ADSS2: variants seen among roughly 807,000 people sequenced by gnomAD.
The protein encoded by ADSS2 is adenylosuccinate synthetase isozyme 2.
Under a neutral mutation model 60.0 loss-of-function variants are expected in ADSS2, and 30 were observed. The observed-to-expected ratio is 0.50, with a 90% CI of 0.37 to 0.68. The LOEUF (loss-of-function observed/expected upper bound fraction) is 0.68. Ranked by LOEUF, ADSS2 falls within the 30% of genes least tolerant of loss-of-function variation. The pLI, the probability that ADSS2 is intolerant of heterozygous loss-of-function variation, is 0.00. For synonymous variants in ADSS2, 187 were observed against 193.1 expected (o/e 0.97, Z 0.26); for missense variants, 373 against 554.8 (o/e 0.67, Z 3.29).
chr1:244,419,973 G>C (rs1359295073), intron 8 of ADSS2, among the ~76,000 whole-genome samples, 197 bp downstream of exon 8: 3 of 152,160 alleles, frequency 2.0e-5, no homozygotes, highest in Non-Finnish European at 2.9e-5. Flanking sequence ...TAATAAAATA[G>C]GGAACGTAAC....
rs532312490 is a variant in ADSS2 at position 244,432,660 on chromosome 1, CTTTTTTT to C, written c.356-72_356-66del. The C allele has an allele frequency of 2.4e-3, 924 of 386,974 alleles. 3 individuals carry two copies. Among genetic ancestry groups the C allele is most frequent in the African/African-American group, 0.02 (581 of 28,564 alleles). 24.0% of individuals were successfully genotyped at this position (386,974 alleles called of 1,614,324 possible). ...TATAGCAGTTTTAAAATCTTAATTT[CTTTTTTT>C]TTTTTTTTTTTTTTGAGACAGAGTC... On this transcript the variant is annotated intron_variant, in intron 3 of 12. Coordinates refer to ENST00000366535, the MANE Select transcript of ADSS2 (RefSeq NM_001126.5).
chr1:244,445,990 A>G (rs1665375820), intron 1 of ADSS2, among the ~76,000 whole-genome samples: 1 of 152,234 alleles, frequency 6.6e-6, no homozygotes, highest in Non-Finnish European at 1.5e-5. Flanking sequence ...GTAATCACAG[A>G]GCTCAAAATG....
chr1:244,416,085 T>G lies in ADSS2; in HGVS notation c.1071-7A>C. The G allele has an allele frequency of 6.2e-7, 1 of 1,606,454 alleles. No individual in the cohort carries two copies. Among genetic ancestry groups the G allele is most frequent in the Non-Finnish European group, 8.5e-7 (1 of 1,174,342 alleles). ...CAACTTGGTAAGTGCCAACCTAATT[T>G]TGGAAGAAAAGGCAATGTTAAAAGA... On this transcript the variant is annotated splice_polypyrimidine_tract_variant and splice_region_variant and intron_variant, in intron 10 of 12. Transcript: ENST00000366535.
At chr1:244,438,612 T>C (rs541377057) in intron 1 of ADSS2, among the ~76,000 whole-genome samples, 5 of 152,354 alleles carry the variant, frequency 3.3e-5, no homozygotes, top group Admixed American at 6.5e-5. Context: ...TAAACTTCTA[T>C]ACAATATTAA....
rs554587213 is a variant in ADSS2 at position 244,420,355 on chromosome 1, G to C, written c.664-59C>G. Reference sequence around the variant, plus strand: ...TACTAATAAACGTTTAACATAACCAGAACAAGAATAAATTACCTGACTTTA... The same window carrying C: ...TACTAATAAACGTTTAACATAACCACAACAAGAATAAATTACCTGACTTTA... On this transcript the variant is annotated intron_variant, in intron 7 of 12. Transcript: ENST00000366535. 4.0e-5 allele frequency: 57 copies of C among 1,436,304 alleles called. No homozygotes were observed. In the South Asian group the frequency reaches 7.3e-4, roughly 18 times the overall value. 89.0% of individuals were successfully genotyped at this position (1,436,304 alleles called of 1,614,324 possible). A position where few individuals can be genotyped will look rare whatever the true frequency, so the allele number is the denominator to read the frequency against.
In ADSS2 at chr1:244,451,507, G is replaced by C; in HGVS notation, c.183+128C>G. The C allele has an allele frequency of 3.8e-6, 4 of 1,043,194 alleles. No individual in the cohort carries two copies. The highest frequency in any genetic ancestry group is 5.4e-6 in the Non-Finnish European group (4 of 738,138). 64.6% of individuals were successfully genotyped at this position (1,043,194 alleles called of 1,614,324 possible). A position where few individuals can be genotyped will look rare whatever the true frequency, so the allele number is the denominator to read the frequency against. ...GTAGCCGCAGCTCAGGACAGGAGGAGAGAGCCTCAAGGTGACACCTCATTT... is the reference window on the plus strand; with the variant it reads ...GTAGCCGCAGCTCAGGACAGGAGGACAGAGCCTCAAGGTGACACCTCATTT... On this transcript the variant is annotated intron_variant, in intron 1 of 12. Transcript: ENST00000366535. The surrounding 1 kb of genome is among the most constrained non-coding windows in gnomAD (Gnocchi z 6.6).
At chr1:244,435,119 G>C (rs1665052549) in intron 3 of ADSS2, among the ~76,000 whole-genome samples, 1 of 121,670 alleles carries the variant, frequency 8.2e-6, no homozygotes, top group Non-Finnish European at 1.6e-5. Flanking sequence ...AGTGAGCCAA[G>C]ATCACGCCAC....
At chr1:244,450,767 GT>G (rs138887894) in intron 1 of ADSS2, among the ~76,000 whole-genome samples, 1,647 of 152,256 alleles carry the variant, frequency 0.011, 35 homozygotes, top group African/African-American at 0.037. Context: ...AGGAAGAAAG[GT>G]TACACTGAAA....
intron 3 of ADSS2, among the ~76,000 whole-genome samples, chr1:244,433,809 A>G (rs3124056): frequency 0.83 from 123,192 of 148,234 alleles, 51,484 homozygotes; most frequent in Middle Eastern, 0.9. Context: ...GCAGTGAGCC[A>G]AGATTGTGCC....
In ADSS2 at chr1:244,451,183, C is replaced by CCTGGG. The variant is rs966387751; in HGVS notation, c.183+447_183+451dup. On this transcript the variant is annotated intron_variant, in intron 1 of 12. Coordinates refer to ENST00000366535, the MANE Select transcript of ADSS2 (RefSeq NM_001126.5). The surrounding 1 kb of genome is among the most constrained non-coding windows in gnomAD (Gnocchi z 6.6). ...AAACAATCCACTCCCACTCCGCCGCCCTGGGCGGGGCGGGGGGGCGGTGAT... is the reference window on the plus strand; with the variant it reads ...AAACAATCCACTCCCACTCCGCCGCCCTGGGCTGGGCGGGGCGGGGGGGCGGTGAT... Among the ~76,000 whole-genome samples, 2 of 152,132 alleles carry CCTGGG rather than the reference C, an allele frequency of 1.3e-5. No homozygotes were observed. Among genetic ancestry groups the CCTGGG allele is most frequent in the African/African-American group, 4.8e-5 (2 of 41,436 alleles).
At chr1:244,430,781 C>T (rs1664922706) in intron 4 of ADSS2, among the ~76,000 whole-genome samples, 1 of 152,170 alleles carries the variant, frequency 6.6e-6, no homozygotes, top group African/African-American at 2.4e-5. Context: ...AAGTACTTCA[C>T]AAAAACATAT....
rs1553308065 is a variant in ADSS2 at position 244,435,194 on chromosome 1, A to AAAAAAAAAAAAAC, written c.355+1630_355+1631insGTTTTTTTTTTTT. ...AAAAAAAAAAAAAAAAAAAAAAAAA[A>AAAAAAAAAAAAAC]AAACAAACCTGAACATACTATAACA... On this transcript the variant is annotated intron_variant, in intron 3 of 12. Coordinates refer to ENST00000366535, the MANE Select transcript of ADSS2 (RefSeq NM_001126.5). Among the ~76,000 whole-genome samples, 55 of 127,900 alleles carry AAAAAAAAAAAAAC rather than the reference A, an allele frequency of 4.3e-4. 3 individuals are homozygous for AAAAAAAAAAAAAC. Among genetic ancestry groups the AAAAAAAAAAAAAC allele is most frequent in the African/African-American group, 1.6e-3 (49 of 31,132 alleles). The allele number at this position is 127,900 out of a possible 152,430, so 83.9% of individuals were successfully genotyped here.
chr1:244,434,639 T>C (rs1288778227), intron 3 of ADSS2, among the ~76,000 whole-genome samples: 1 of 152,020 alleles, frequency 6.6e-6, no homozygotes, highest in African/African-American at 2.4e-5. Flanking sequence ...TTAGGAGATA[T>C]AATAAAGAAA....
At chr1:244,429,039 T>C (rs1241213988) in intron 4 of ADSS2, among the ~76,000 whole-genome samples, 1 of 152,206 alleles carries the variant, frequency 6.6e-6, no homozygotes, top group Non-Finnish European at 1.5e-5. Flanking sequence ...AGAGCAGTAT[T>C]TGTCAGGATA....
At position 244,437,783 on chromosome 1, in the gene ADSS2, A is replaced by C. The variant is rs1665139995; in HGVS notation, c.184-15T>G. ...TTATTTCCTCCCTAAAATGTAAGATAGGGGAAAATTGAGCCTGATGATAAA... is the reference window on the plus strand; with the variant it reads ...TTATTTCCTCCCTAAAATGTAAGATCGGGGAAAATTGAGCCTGATGATAAA... On this transcript the variant is annotated splice_polypyrimidine_tract_variant and intron_variant, in intron 1 of 12. Coordinates refer to ENST00000366535, the MANE Select transcript of ADSS2 (RefSeq NM_001126.5). The C allele has an allele frequency of 5.8e-6, 9 of 1,546,090 alleles. No homozygotes were observed. Among genetic ancestry groups the C allele is most frequent in the Non-Finnish European group, 8.0e-6 (9 of 1,118,954 alleles).
At chr1:244,450,736 G>A (rs527529065) in intron 1 of ADSS2, among the ~76,000 whole-genome samples, 1 of 152,272 alleles carries the variant, frequency 6.6e-6, no homozygotes, top group Non-Finnish European at 1.5e-5. Flanking sequence ...CCTGTATGCT[G>A]CGTCAAAGGA....
intron 11 of ADSS2, 88 bp downstream of exon 11, chr1:244,415,893 T>G: frequency 1.0e-6 from 1 of 957,050 alleles, no homozygotes; most frequent in East Asian, 2.6e-5. Context: ...TGTCGCTATC[T>G]ATCACAAATT....
chr1:244,423,077 T>C (rs894864597), intron 6 of ADSS2, among the ~76,000 whole-genome samples, 161 bp from the exon 7 acceptor site: 2 of 152,196 alleles, frequency 1.3e-5, no homozygotes, highest in Admixed American at 6.5e-5. Flanking sequence ...ATAAAGGAGA[T>C]CAGCCATATG....
At position 244,431,743 on chromosome 1, in the gene ADSS2, T is replaced by C. The variant is rs922928308; in HGVS notation, c.406+802A>G. On this transcript the variant is annotated intron_variant, in intron 4 of 12. Transcript: ENST00000366535. ...ATATAGAAACTGTATGTTAATCCAA[T>C]AGAGTTTACTTCAAATAAGTTATTT... 1.2e-4 allele frequency among the ~76,000 whole-genome samples: 18 copies of C among 152,290 alleles called. 1 individual carries two copies. Among genetic ancestry groups the C allele is most frequent in the Admixed American group, 1.0e-3 (16 of 15,308 alleles).
Sources: allele counts gnomAD v4.1 joint callset (sites outside exome capture counted in the v4.1 genomes callset), GRCh38; gene constraint gnomAD v4.1.1; non-coding constraint Gnocchi (gnomAD v3.1); transcripts MANE v1.5; gene names NCBI Gene and HGNC (gene_info 2026-07-23, HGNC 2026-07-21).